Variants in NRXN3 observed in about 807,000 individuals in gnomAD.
The protein encoded by NRXN3 is neurexin 3, also known as neurexin III.
A neutral mutation model predicts 137.6 loss-of-function variants in NRXN3; 32 were observed. The observed-to-expected ratio is 0.23, with a 90% CI of 0.18 to 0.31. NRXN3 has a LOEUF of 0.31. Among genes scored for constraint, NRXN3 ranks in the 10% least tolerant of loss-of-function variants. The pLI is 1.00. For missense variants in NRXN3, 1,574 were observed against 2,062.5 expected, an observed-to-expected ratio of 0.76 and a Z score of 4.59; for synonymous variants, 798 against 784.5, an observed-to-expected ratio of 1.02 and a Z score of -0.29.
intron 8 of NRXN3, chr14:78,745,259 T>C (rs905547602): frequency 1.3e-5 from 2 of 152,232 alleles, no homozygotes; most frequent in African/African-American, 2.4e-5. Context: ...TGCTGTCCAG[T>C]CTTCATGTGG....
At chr14:78,913,274 C>CTTTTTTTTTTTTTTTTTTTTTTTTTT (rs1157942892) in intron 10 of NRXN3, among the ~76,000 whole-genome samples, 8 of 47,858 alleles carry the variant, frequency 1.7e-4, no homozygotes, top group Non-Finnish European at 2.1e-4. Context: ...TTCTTTCTTT[C>CTTTTTTTTTTTTTTTTTTTTTTTTTT]TTTTTTTTTT....
At chr14:79,243,100 T>A (rs2074566194) in intron 15 of NRXN3, among the ~76,000 whole-genome samples, 1 of 152,172 alleles carries the variant, frequency 6.6e-6, no homozygotes, top group East Asian at 1.9e-4. Flanking sequence ...AATGAGATAA[T>A]GCATTCATAT....
intron 15 of NRXN3, among the ~76,000 whole-genome samples, chr14:79,131,921 G>C (rs1009814903): frequency 3.9e-5 from 6 of 152,252 alleles, no homozygotes; most frequent in Non-Finnish European, 8.8e-5. Flanking sequence ...ACAGTATTCG[G>C]GTGGGAGTGA....
chr14:79,149,302 G>T (rs1300088904), intron 15 of NRXN3, among the ~76,000 whole-genome samples: 3 of 151,648 alleles, frequency 2.0e-5, no homozygotes, highest in Non-Finnish European at 4.4e-5. Flanking sequence ...GCTATTTGTT[G>T]GTGTCAGCAT....
chr14:78,257,489 G>T (rs566722809), intron 2 of NRXN3, among the ~76,000 whole-genome samples: 20 of 152,234 alleles, frequency 1.3e-4, no homozygotes, highest in African/African-American at 4.8e-4. Context: ...GGGTGTGGGC[G>T]CGTGCCTGTG....
intron 1 of NRXN3, among the ~76,000 whole-genome samples, chr14:78,181,326 T>G (rs2059787691): frequency 6.6e-6 from 1 of 152,192 alleles, no homozygotes; most frequent in South Asian, 2.1e-4. Flanking sequence ...AGCAAGCATC[T>G]TCTGTGGCCA....
At chr14:79,202,945 A>G (rs560295103) in intron 15 of NRXN3, among the ~76,000 whole-genome samples, 1 of 152,274 alleles carries the variant, frequency 6.6e-6, no homozygotes, top group African/African-American at 2.4e-5. Context: ...TAATTCTTTA[A>G]GGAATCTCCA....
intron 6 of NRXN3, 111 bp from the exon 7 acceptor site, chr14:78,709,106 G>A (rs1236812874): frequency 4.4e-6 from 4 of 915,860 alleles, no homozygotes; most frequent in Non-Finnish European, 4.9e-6. Flanking sequence ...GTTGTTTTGG[G>A]CTATGTCCTG....
At chr14:79,428,486 T>C (rs952633642) in intron 15 of NRXN3, among the ~76,000 whole-genome samples, 8 of 152,228 alleles carry the variant, frequency 5.3e-5, no homozygotes, top group African/African-American at 1.9e-4. Flanking sequence ...GGTTTAAAGA[T>C]AAGACATGAA....
intron 15 of NRXN3, among the ~76,000 whole-genome samples, chr14:79,172,647 C>A (rs1182937823): frequency 6.6e-6 from 1 of 152,068 alleles, no homozygotes; most frequent in African/African-American, 2.4e-5. Context: ...TGAGTGGTGA[C>A]AATTTAATAT....
At chr14:79,141,172 GACA>G (rs1456953469) in intron 15 of NRXN3, among the ~76,000 whole-genome samples, 7 of 152,122 alleles carry the variant, frequency 4.6e-5, no homozygotes, top group Admixed American at 6.6e-5. Context: ...TAAATGATAT[GACA>G]ACACAGCTCA....
intron 1 of NRXN3, among the ~76,000 whole-genome samples, chr14:78,201,527 G>T (rs2061676381): frequency 6.6e-6 from 1 of 152,212 alleles, no homozygotes; most frequent in South Asian, 2.1e-4. Flanking sequence ...TTCAGGCATG[G>T]GGGCAGTGGT....
At chr14:79,012,174 T>C (rs1395202543) in intron 15 of NRXN3, among the ~76,000 whole-genome samples, 1 of 152,326 alleles carries the variant, frequency 6.6e-6, no homozygotes, top group East Asian at 1.9e-4. Context: ...TGCAGGGTGA[T>C]GTGAAACATA....
At chr14:78,575,577 A>T (rs1351839383) in intron 4 of NRXN3, among the ~76,000 whole-genome samples, 1 of 152,228 alleles carries the variant, frequency 6.6e-6, no homozygotes, top group East Asian at 1.9e-4. Context: ...ATGTTGTAGA[A>T]TTATTTTAGG....
At chr14:79,649,048 G>A (rs2098463914) in intron 16 of NRXN3, among the ~76,000 whole-genome samples, 1 of 152,092 alleles carries the variant, frequency 6.6e-6, no homozygotes, top group Non-Finnish European at 1.5e-5. Flanking sequence ...GTAAGGCCTG[G>A]TCGATAAGTT....
chr14:78,504,521 T>G (rs763471246), intron 4 of NRXN3, among the ~76,000 whole-genome samples: 2 of 152,178 alleles, frequency 1.3e-5, no homozygotes, highest in African/African-American at 4.8e-5. Context: ...GATAATGGTG[T>G]GTATGCTGTG....
intron 16 of NRXN3, among the ~76,000 whole-genome samples, chr14:79,547,562 A>C (rs769506636): frequency 1.3e-5 from 2 of 152,188 alleles, no homozygotes; most frequent in Non-Finnish European, 2.9e-5. Context: ...TTGTTTCTTC[A>C]TTCCAGGTCT....
chr14:78,532,099 G>A (rs2096469423), intron 4 of NRXN3, among the ~76,000 whole-genome samples: 1 of 146,154 alleles, frequency 6.8e-6, no homozygotes, highest in Non-Finnish European at 1.5e-5. Flanking sequence ...GAGGTTGGAA[G>A]TTCAAGACTA....
rs942309034 is a variant in NRXN3 at position 79,864,265 on chromosome 14, T to C, written c.*2301T>C. ...TTTATGGGAACATGTGCATTCTCTA[T>C]GTGAGCTTCTATCATATTCCTGTTT... is the stretch of plus-strand genomic sequence containing the variant. On this transcript the variant is annotated 3_prime_UTR_variant, in exon 21 of 21. Transcript: ENST00000335750. 1.3e-5 allele frequency: 2 copies of C among 152,682 alleles called. No homozygotes were observed. The highest frequency in any genetic ancestry group is 2.9e-5 in the Non-Finnish European group (2 of 68,044). 9.5% of individuals were successfully genotyped at this position (152,682 alleles called of 1,614,324 possible).
Sources: allele counts gnomAD v4.1 joint callset (sites outside exome capture counted in the v4.1 genomes callset), GRCh38; gene constraint gnomAD v4.1.1; transcripts MANE v1.5; gene names NCBI Gene and HGNC (gene_info 2026-07-23, HGNC 2026-07-21).